Variants in RBPJ observed in about 807,000 individuals in gnomAD.
RBPJ encodes recombination signal binding protein for immunoglobulin kappa J region.
A neutral mutation model predicts 67.8 loss-of-function variants in RBPJ; 9 were observed. The ratio of observed to expected loss-of-function variants is 0.13; its 90% CI spans 0.08 to 0.23. The LOEUF (loss-of-function observed/expected upper bound fraction) is 0.23. RBPJ is among the 10% of genes least tolerant of loss of function. RBPJ has a pLI of 1.00. For missense variants in RBPJ, 305 were observed against 595.6 expected, an observed-to-expected ratio of 0.51 and a Z score of 5.08; for synonymous variants, 198 against 203.3, an observed-to-expected ratio of 0.97 and a Z score of 0.22.
At chr4:26,406,360 T>A (rs1733412415) in intron 3 of RBPJ, 90 bp downstream of exon 3, 1 of 794,812 alleles carries the variant, frequency 1.3e-6, no homozygotes, top group Non-Finnish European at 2.2e-6. Context: ...GGATGGCTTC[T>A]ATTACTGGGT....
chr4:26,369,098 A>G (rs753921040), intron 1 of RBPJ, among the ~76,000 whole-genome samples: 6 of 152,238 alleles, frequency 3.9e-5, no homozygotes, highest in Non-Finnish European at 8.8e-5. Flanking sequence ...TATTAGCCAA[A>G]TGAATGAACT....
At chr4:26,212,945 T>A (rs915257224) in intron 1 of RBPJ, among the ~76,000 whole-genome samples, 3 of 152,018 alleles carry the variant, frequency 2.0e-5, no homozygotes, top group African/African-American at 7.2e-5. Flanking sequence ...CAAGAACTCA[T>A]CCCCATACCA....
intron 1 of RBPJ, among the ~76,000 whole-genome samples, chr4:26,216,389 G>C (rs1425116339): frequency 6.6e-6 from 1 of 152,122 alleles, no homozygotes; most frequent in East Asian, 1.9e-4. Flanking sequence ...GAGACCCAAA[G>C]GGTAAATGTG....
chr4:26,301,368 G>A (rs961021989), intron 1 of RBPJ, among the ~76,000 whole-genome samples: 18 of 152,118 alleles, frequency 1.2e-4, no homozygotes, highest in African/African-American at 4.3e-4. Flanking sequence ...TGAGGTGGGC[G>A]GATCACGAGG....
chr4:26,117,602 G>T, the RBPJ span, among the ~76,000 whole-genome samples: 1 of 152,170 alleles, frequency 6.6e-6, no homozygotes, highest in African/African-American at 2.4e-5. Flanking sequence ...TGAAAGGGCA[G>T]TGTAGCATAT....
At chr4:26,317,367 A>G (rs1320451608), upstream of RBPJ, among the ~76,000 whole-genome samples, 1 of 152,178 alleles carries the variant, frequency 6.6e-6, no homozygotes, top group Non-Finnish European at 1.5e-5. Context: ...CTTGGAGCTG[A>G]AAGTGTGCTT....
chr4:26,194,526 C>T (rs116398640), intron 1 of RBPJ, among the ~76,000 whole-genome samples: 2,055 of 152,306 alleles, frequency 0.013, 48 homozygotes, highest in African/African-American at 0.046. Flanking sequence ...TAACTTGTTC[C>T]GTGCCACACA....
the RBPJ span, among the ~76,000 whole-genome samples, chr4:26,125,441 G>A: frequency 6.6e-6 from 1 of 152,138 alleles, no homozygotes. Flanking sequence ...TTCTTGGAAG[G>A]CAGGTTTCAC....
intron 1 of RBPJ, among the ~76,000 whole-genome samples, chr4:26,198,334 T>C (rs558034147): frequency 1.3e-5 from 2 of 152,290 alleles, no homozygotes; most frequent in African/African-American, 2.4e-5. Flanking sequence ...ATACTATACA[T>C]TTCCTTATTT....
chr4:26,253,577 C>G (rs1560230680), intron 1 of RBPJ, among the ~76,000 whole-genome samples: 1 of 151,292 alleles, frequency 6.6e-6, no homozygotes, highest in East Asian at 1.9e-4. Context: ...TCCCAAAGTG[C>G]TGGGTTAATC....
chr4:26,417,395 T>C (rs751466294), intron 4 of RBPJ, among the ~76,000 whole-genome samples: 3 of 152,182 alleles, frequency 2.0e-5, no homozygotes. Context: ...TTTCATTATA[T>C]CTTTCTTCAA....
At chr4:26,180,687 T>A (rs1716952448) in intron 1 of RBPJ, among the ~76,000 whole-genome samples, 1 of 152,208 alleles carries the variant, frequency 6.6e-6, no homozygotes, top group South Asian at 2.1e-4. Context: ...AGCATTTCAA[T>A]GCATGAATCT....
At chr4:26,147,197 T>C in the RBPJ span, among the ~76,000 whole-genome samples, 2 of 152,200 alleles carry the variant, frequency 1.3e-5, no homozygotes, top group Non-Finnish European at 2.9e-5. Flanking sequence ...AAGCTGACTC[T>C]GGCTTGTTTA....
intron 1 of RBPJ, among the ~76,000 whole-genome samples, chr4:26,347,535 G>A (rs373513469): frequency 6.6e-6 from 1 of 152,180 alleles, no homozygotes; most frequent in Non-Finnish European, 1.5e-5. Context: ...AAGTTTAAAT[G>A]TTCATTGGAT....
chr4:26,376,909 A>C (rs960982175), intron 1 of RBPJ, among the ~76,000 whole-genome samples: 4 of 152,110 alleles, frequency 2.6e-5, no homozygotes, highest in Non-Finnish European at 4.4e-5. Context: ...GCATCTTTTC[A>C]TGTGCTTATT....
intron 1 of RBPJ, among the ~76,000 whole-genome samples, chr4:26,243,456 T>G (rs1338978932): frequency 1.3e-5 from 2 of 152,234 alleles, no homozygotes; most frequent in Admixed American, 6.5e-5. Context: ...GTTTGACACT[T>G]TCTCAGTATT....
At chr4:26,226,029 A>G (rs1719062355) in intron 1 of RBPJ, among the ~76,000 whole-genome samples, 1 of 151,850 alleles carries the variant, frequency 6.6e-6, no homozygotes, top group African/African-American at 2.4e-5. Flanking sequence ...GTTGCCTGTA[A>G]TCTCAGCTAC....
intron 1 of RBPJ, among the ~76,000 whole-genome samples, chr4:26,251,864 A>G (rs1720123838): frequency 6.6e-6 from 1 of 150,420 alleles, no homozygotes; most frequent in Non-Finnish European, 1.5e-5. Context: ...AAAAAAAAAA[A>G]AAAAAAAAGA....
intron 2 of RBPJ, among the ~76,000 whole-genome samples, chr4:26,396,053 A>T (rs1310355577): frequency 6.6e-6 from 1 of 152,224 alleles, no homozygotes; most frequent in Non-Finnish European, 1.5e-5. Context: ...GCATAGGTAG[A>T]CAGAGGTTTC....
Sources: allele counts gnomAD v4.1 joint callset (sites outside exome capture counted in the v4.1 genomes callset), GRCh38; gene constraint gnomAD v4.1.1; transcripts MANE v1.5; gene names NCBI Gene and HGNC (gene_info 2026-07-23, HGNC 2026-07-21).